The following MAGI2 variants were observed in gnomAD, a reference collection of about 807,000 sequenced individuals.
MAGI2 encodes the protein membrane-associated guanylate kinase, WW and PDZ domain-containing protein 2.
Under a neutral mutation model 133.3 loss-of-function variants are expected in MAGI2, and 35 were observed. The observed-to-expected ratio is 0.26, with a 90% CI of 0.20 to 0.35. The LOEUF (loss-of-function observed/expected upper bound fraction) is 0.35. MAGI2 is among the 10% of genes least tolerant of loss of function. The probability of loss-of-function intolerance (pLI) is 1.00; values close to 1 mark genes in which losing one functional copy is unlikely to be tolerated. For missense variants in MAGI2, 1,636 were observed against 1,863.4 expected (o/e 0.88, Z 2.25); for synonymous variants, 729 against 710.6 (o/e 1.03, Z -0.41).
At chr7:79,070,492 T>C (rs1270660292) in intron 1 of MAGI2, among the ~76,000 whole-genome samples, 1 of 151,024 alleles carries the variant, frequency 6.6e-6, no homozygotes, top group African/African-American at 2.4e-5. Context: ...TTTATTTTTA[T>C]TATTTATTTA....
At chr7:78,699,991 TTTAG>T (rs1305405627) in intron 2 of MAGI2, among the ~76,000 whole-genome samples, 2 of 152,232 alleles carry the variant, frequency 1.3e-5, no homozygotes, top group Middle Eastern at 3.4e-3. Context: ...AGAAATTAAT[TTTAG>T]TTAAATAGAA....
At chr7:78,837,342 A>G (rs1420751403) in intron 2 of MAGI2, among the ~76,000 whole-genome samples, 1 of 152,114 alleles carries the variant, frequency 6.6e-6, no homozygotes, top group Admixed American at 6.6e-5. Flanking sequence ...TATGCACTCA[A>G]TATTTATGCT....
At chr7:79,372,557 C>T (rs848916) in intron 1 of MAGI2, among the ~76,000 whole-genome samples, 21,684 of 151,870 alleles carry the variant, frequency 0.14, 1,716 homozygotes, top group Middle Eastern at 0.19. Flanking sequence ...GAACAAAAGA[C>T]GGCATGTAGT....
intron 1 of MAGI2, among the ~76,000 whole-genome samples, chr7:79,099,670 CT>C: frequency 6.6e-6 from 1 of 152,168 alleles, no homozygotes; most frequent in Non-Finnish European, 1.5e-5. Context: ...TTTTTCCCCT[CT>C]TTTTTCCATG....
At chr7:78,248,470 C>T (rs957852754) in intron 10 of MAGI2, among the ~76,000 whole-genome samples, 1 of 152,078 alleles carries the variant, frequency 6.6e-6, no homozygotes, top group African/African-American at 2.4e-5. Flanking sequence ...TCAAAAGACA[C>T]AGATTTGCTG....
chr7:78,090,730 C>T (rs1344839981), intron 20 of MAGI2, among the ~76,000 whole-genome samples: 1 of 152,154 alleles, frequency 6.6e-6, no homozygotes, highest in African/African-American at 2.4e-5. Context: ...ACAACACAAT[C>T]TTCTACTTGC....
At chr7:78,039,945 G>A (rs1810626185) in intron 21 of MAGI2, among the ~76,000 whole-genome samples, 1 of 152,190 alleles carries the variant, frequency 6.6e-6, no homozygotes, top group Admixed American at 6.5e-5. Flanking sequence ...GCAGTTTTGC[G>A]AGATGAACCT....
intron 2 of MAGI2, among the ~76,000 whole-genome samples, chr7:78,667,830 G>T (rs1006776915): frequency 6.6e-6 from 1 of 152,106 alleles, no homozygotes; most frequent in Non-Finnish European, 1.5e-5. Flanking sequence ...TTGCTATTGT[G>T]AATAGTACCG....
At chr7:79,401,253 A>T (rs1185671561) in intron 1 of MAGI2, among the ~76,000 whole-genome samples, 1 of 152,188 alleles carries the variant, frequency 6.6e-6, no homozygotes, top group African/African-American at 2.4e-5. Flanking sequence ...AGCATAGGCC[A>T]TGGTTAATAC....
At chr7:78,842,334 C>T (rs1584111813) in intron 2 of MAGI2, among the ~76,000 whole-genome samples, 2 of 151,932 alleles carry the variant, frequency 1.3e-5, no homozygotes, top group South Asian at 4.1e-4. Context: ...AAGAGACAGG[C>T]TGTCAAATAC....
At chr7:78,529,019 T>C (rs757080121) in intron 3 of MAGI2, among the ~76,000 whole-genome samples, 3 of 152,272 alleles carry the variant, frequency 2.0e-5, no homozygotes, top group South Asian at 4.1e-4. Context: ...GAATTATTCT[T>C]AACAAACCCC....
chr7:78,045,798 C>G (rs1417872990), intron 21 of MAGI2, among the ~76,000 whole-genome samples: 1 of 152,162 alleles, frequency 6.6e-6, no homozygotes, highest in Non-Finnish European at 1.5e-5. Flanking sequence ...CCTTATCCCA[C>G]AGAACCCATA....
chr7:78,417,162 G>A (rs1798377645), intron 6 of MAGI2, among the ~76,000 whole-genome samples: 1 of 152,110 alleles, frequency 6.6e-6, no homozygotes, highest in African/African-American at 2.4e-5. Context: ...AAGGGCCAGA[G>A]TGAAGATTTT....
chr7:78,388,294 A>ATCG (rs1554384335), intron 6 of MAGI2, among the ~76,000 whole-genome samples: 26 of 121,716 alleles, frequency 2.1e-4, no homozygotes, highest in South Asian at 8.1e-4. Flanking sequence ...CATCATCATC[A>ATCG]TCGTCATCAT....
At chr7:78,562,437 G>T (rs185588774) in intron 3 of MAGI2, among the ~76,000 whole-genome samples, 6 of 152,162 alleles carry the variant, frequency 3.9e-5, no homozygotes, top group Admixed American at 3.9e-4. Flanking sequence ...CATTTTCACA[G>T]TTTAAAGAAT....
chr7:79,004,806 G>A (rs1479844199), intron 2 of MAGI2, among the ~76,000 whole-genome samples: 1 of 152,154 alleles, frequency 6.6e-6, no homozygotes, highest in Non-Finnish European at 1.5e-5. Context: ...AGTTGGGCCG[G>A]GCGTGGTGGC....
At chr7:78,574,508 T>C (rs1054071608) in intron 3 of MAGI2, among the ~76,000 whole-genome samples, 46 of 152,222 alleles carry the variant, frequency 3.0e-4, no homozygotes, top group African/African-American at 1.1e-3. Context: ...CTCCAAGACT[T>C]CTATAATTTT....
chr7:78,631,531 A>T (rs936489518), intron 2 of MAGI2, among the ~76,000 whole-genome samples: 1 of 152,182 alleles, frequency 6.6e-6, no homozygotes, highest in Non-Finnish European at 1.5e-5. Context: ...GAGTGGGTTG[A>T]AAAAGGGAGG....
chr7:78,573,247 A>ATATATATAT (rs1801794540), intron 3 of MAGI2, among the ~76,000 whole-genome samples: 34 of 44,826 alleles, frequency 7.6e-4, no homozygotes, highest in Non-Finnish European at 1.1e-3. Flanking sequence ...TATATATATA[A>ATATATATAT]ATATATATAA....
Sources: gnomAD v4.1 joint callset for allele counts (sites outside exome capture counted in the v4.1 genomes callset) on GRCh38, gnomAD v4.1.1 for gene constraint, MANE v1.5 for transcripts, NCBI Gene and HGNC (gene_info 2026-07-23, HGNC 2026-07-21) for gene names.